The following KIF4B variants were observed in gnomAD, a reference collection of about 807,000 sequenced individuals.
The protein encoded by KIF4B is kinesin family member 4B.
In KIF4B, 60 loss-of-function variants were observed where a neutral mutation model predicts 69.0. That is an observed-to-expected ratio of 0.87 (90% CI 0.71 to 1.08). The LOEUF is 1.08. Ranked by LOEUF, KIF4B falls within the 50% of genes least tolerant of loss-of-function variation. KIF4B has a pLI of 0.00. For missense variants in KIF4B, 1,357 were observed against 1,451.9 expected (o/e 0.93, Z 1.06); for synonymous variants, 489 against 533.0 (o/e 0.92, Z 1.14).
At position 155,015,304 on chromosome 5, in the gene KIF4B, C is replaced by T. The variant is rs770244898; in HGVS notation, c.1445C>T (p.Ala482Val). 1 of 1,614,196 alleles carries T rather than the reference C, an allele frequency of 6.2e-7. No homozygotes were observed. The highest frequency in any genetic ancestry group is 1.1e-5 in the South Asian group (1 of 91,082). Residue 482 changes from alanine (A) to valine (V), a missense_variant, in exon 1 of 1, where the codon GCT becomes GTT. Coordinates refer to ENST00000435029, the MANE Select transcript of KIF4B (RefSeq NM_001099293.3). ...ACCCAGTTATCAGATGAAACTGTTG[C>T]TTGCACGGCTGCAGCCATTGATACT... ...LITQLSDETVACTAAAIDTAV... is the reference protein window; with the variant it reads ...LITQLSDETVVCTAAAIDTAV...
rs1765301684 is a variant in KIF4B, at chr5:155,015,131, G to A, written c.1272G>A (p.Glu424=). The change falls in exon 1 of 1, where the codon GAG becomes GAA. Residue 424 remains glutamate, a synonymous_variant. Coordinates refer to ENST00000435029, the MANE Select transcript of KIF4B (RefSeq NM_001099293.3). Reference sequence around the variant, plus strand: ...TGTTGGAGAGGATCATTTTGACAGAGCAAGTGAATGAAAAACTGAACGCCA... The same window carrying A: ...TGTTGGAGAGGATCATTTTGACAGAACAAGTGAATGAAAAACTGAACGCCA... ...AQMLERIILT[E]QVNEKLNAKL... 5 of 1,614,228 alleles carry A rather than the reference G, an allele frequency of 3.1e-6. No homozygotes were observed. Among genetic ancestry groups the A allele is most frequent in the East Asian group, 4.5e-5 (2 of 44,886 alleles).
Position 155,015,387 on chromosome 5 carries a change from G to A in KIF4B, c.1528G>A (p.Ala510Thr), listed in dbSNP as rs199913629. 11 of 1,614,054 alleles carry A rather than the reference G, an allele frequency of 6.8e-6. No individual in the cohort carries two copies. Among genetic ancestry groups the A allele is most frequent in the Admixed American group, 6.7e-5 (4 of 60,000 alleles). ...TCCAGAGACAAGCAGGTCTTCTGAC[G>A]CTTTTACCACTCAGCATGCTCTCCA... ...TSPETSRSSD[A>T]FTTQHALHQA... Residue 510 changes from alanine (A) to threonine (T), a missense_variant, in exon 1 of 1, where the codon GCT (alanine) becomes ACT (threonine). Ala to Thr is a moderately conservative substitution (Grantham distance 58). Coordinates refer to ENST00000435029, the MANE Select transcript of KIF4B (RefSeq NM_001099293.3).
At position 155,016,616 on chromosome 5, in the gene KIF4B, G is replaced by A. The variant is rs757320799; in HGVS notation, c.2757G>A (p.Glu919=). The change falls in exon 1 of 1, where the codon GAG becomes GAA. Residue 919 remains glutamate (E), a synonymous_variant. Transcript: ENST00000435029. ...AGATAGAGACAGAGTTACAAGCTGA[G>A]CTGGTCAGAATGGAGCAACAGCACC... ...FSEIETELQA[E]LVRMEQQHQE... The A allele has an allele frequency of 9.0e-5, 145 of 1,614,112 alleles. No individual in the cohort carries two copies. Among genetic ancestry groups the A allele is most frequent in the Non-Finnish European group, 5.9e-6 (7 of 1,180,046 alleles).
Position 155,014,842 on chromosome 5 carries a change from G to T in KIF4B, c.983G>T (p.Arg328Leu). 3 of 1,614,106 alleles carry T rather than the reference G, an allele frequency of 1.9e-6. No homozygotes were observed. Among genetic ancestry groups the T allele is most frequent in the Non-Finnish European group, 2.5e-6 (3 of 1,180,018 alleles). ...SNLEETLSTL[R>L]YADRARKIKN... ...CTAGAGGAAACATTAAGTACCCTTC[G>T]CTATGCTGACAGAGCAAGAAAAATC... Residue 328 changes from arginine (R) to leucine (L), a missense_variant, in exon 1 of 1, where the codon CGC becomes CTC. By Grantham distance (102) the Arg-to-Leu change is moderately radical. Coordinates refer to ENST00000435029, the MANE Select transcript of KIF4B (RefSeq NM_001099293.3).
At position 155,016,722 on chromosome 5, in the gene KIF4B, A is replaced by G; in HGVS notation, c.2863A>G (p.Lys955Glu). 6.2e-7 allele frequency: 1 copy of G among 1,614,214 alleles called. No individual in the cohort carries two copies. Among genetic ancestry groups the G allele is most frequent in the Non-Finnish European group, 8.5e-7 (1 of 1,180,040 alleles). Residue 955 changes from lysine (K) to glutamate (E), a missense_variant, in exon 1 of 1, where the codon AAG becomes GAG. Coordinates refer to ENST00000435029, the MANE Select transcript of KIF4B (RefSeq NM_001099293.3). ...GCAGTTAGAGAAATCAGCCAGTGAAAAGGAACAACAGCTGGTGAGCACACT... is the reference window on the plus strand; with the variant it reads ...GCAGTTAGAGAAATCAGCCAGTGAAGAGGAACAACAGCTGGTGAGCACACT... ...EKQLEKSASE[K>E]EQQLVSTLQC...
chr5:155,014,308 A>T lies in KIF4B; in HGVS notation c.449A>T (p.Asp150Val), dbSNP rs1475569125. The T allele has an allele frequency of 1.2e-6, 2 of 1,614,106 alleles. No individual in the cohort carries two copies. The highest frequency in any genetic ancestry group is 2.7e-5 in the African/African-American group (2 of 74,934). ...YLEIYNEEIL[D>V]LLCPSREKAQ... ...GAGATTTACAATGAAGAAATTTTGG[A>T]TCTTCTATGCCCATCTCGTGAGAAA... Residue 150 changes from aspartate to valine, a missense_variant, in exon 1 of 1, where the codon GAT becomes GTT. Transcript: ENST00000435029.
In KIF4B at chr5:155,015,911, T is replaced by A; in HGVS notation, c.2052T>A (p.Tyr684Ter). The change falls in exon 1 of 1, where the codon TAT (tyrosine) becomes TAA (stop). Residue 684 changes from tyrosine (Y) to a stop codon, truncating the protein, a stop_gained. Coordinates refer to ENST00000435029, the MANE Select transcript of KIF4B (RefSeq NM_001099293.3). LOFTEE classifies it high-confidence loss of function. Reference sequence around the variant, plus strand: ...AAGAACGAGACCGTAAGAGGCAATATGAGCTGCTCAAACTTGAAAGAAACT... The same window carrying A: ...AAGAACGAGACCGTAAGAGGCAATAAGAGCTGCTCAAACTTGAAAGAAACT... ...QLKERDRKRQ[Y>*]ELLKLERNFQ... 1 of 1,614,196 alleles carries A rather than the reference T, an allele frequency of 6.2e-7. No homozygotes were observed. The highest frequency in any genetic ancestry group is 8.5e-7 in the Non-Finnish European group (1 of 1,180,042).
chr5:155,017,077 A>G lies in KIF4B; in HGVS notation c.3218A>G (p.Lys1073Arg). Residue 1073 changes from lysine to arginine, a missense_variant, in exon 1 of 1, where the codon AAG becomes AGG. Lys to Arg is a conservative substitution (Grantham distance 26). Transcript: ENST00000435029. The part of the protein sequence containing the change: ...DSDEGDDEEW[K>R]PTKLVKVSRK... Reference sequence around the variant, plus strand: ...GATGAGGGGGATGATGAGGAATGGAAGCCAACAAAATTAGTCAAGGTGTCC... The same window carrying G: ...GATGAGGGGGATGATGAGGAATGGAGGCCAACAAAATTAGTCAAGGTGTCC... 6.2e-7 allele frequency: 1 copy of G among 1,614,050 alleles called. No homozygotes were observed. Among genetic ancestry groups the G allele is most frequent in the Non-Finnish European group, 8.5e-7 (1 of 1,179,936 alleles).
At position 155,015,658 on chromosome 5, in the gene KIF4B, A is replaced by G. The variant is rs1421866107; in HGVS notation, c.1799A>G (p.Lys600Arg). The change falls in exon 1 of 1, where the codon AAA (lysine) becomes AGA (arginine). Residue 600 changes from lysine (K) to arginine (R), a missense_variant. By Grantham distance (26) the Lys-to-Arg change is conservative. Transcript: ENST00000435029. Reference protein sequence around the residue: ...NQAKLSEHRHKLLQELEGQIA... With the variant: ...NQAKLSEHRHRLLQELEGQIA... ...GCCAAGCTGAGTGAGCACCGCCACA[A>G]ACTTCTCCAGGAGCTGGAGGGTCAA... The G allele has an allele frequency of 1.9e-6, 3 of 1,614,120 alleles. No individual in the cohort carries two copies. Among genetic ancestry groups the G allele is most frequent in the South Asian group, 1.1e-5 (1 of 91,088 alleles).
rs1765273480 is a variant in KIF4B at position 155,013,846 on chromosome 5, G to C, written c.-14G>C. On this transcript the variant is annotated 5_prime_UTR_variant, in exon 1 of 1. Coordinates refer to ENST00000435029, the MANE Select transcript of KIF4B (RefSeq NM_001099293.3). ...GAAGGGACATTTAGTTTGAGACGGT[G>C]CTGAGATAGGATCATGAAGGAAGAG... The C allele has an allele frequency of 2.5e-6, 4 of 1,612,372 alleles. No homozygotes were observed. The highest frequency in any genetic ancestry group is 2.5e-6 in the Non-Finnish European group (3 of 1,179,776).
chr5:155,016,935 A>G lies in KIF4B; in HGVS notation c.3076A>G (p.Lys1026Glu). The change falls in exon 1 of 1, where the codon AAA becomes GAA. Residue 1026 changes from lysine to glutamate, a missense_variant. Transcript: ENST00000435029. ...TTTTGAATATATCCCACCTAAGCCA[A>G]AACCTTCTCGTGTTAAAGAAAAGTT... is the stretch of plus-strand genomic sequence containing the variant. ...SSFEYIPPKP[K>E]PSRVKEKFLE... The G allele has an allele frequency of 6.2e-7, 1 of 1,614,226 alleles. No homozygotes were observed. The highest frequency in any genetic ancestry group is 1.1e-5 in the South Asian group (1 of 91,084).
In KIF4B at chr5:155,016,459, T is replaced by C; in HGVS notation, c.2600T>C (p.Leu867Pro). 2 of 1,614,172 alleles carry C rather than the reference T, an allele frequency of 1.2e-6. No homozygotes were observed. The highest frequency in any genetic ancestry group is 2.2e-5 in the South Asian group (2 of 91,074). ...IATILEAKCA[L>P]KYLIGELVSS... ...ACCATTCTGGAAGCCAAGTGTGCCC[T>C]GAAATATTTGATTGGAGAGCTGGTC... The change falls in exon 1 of 1, where the codon CTG becomes CCG. Residue 867 changes from leucine (L) to proline (P), a missense_variant. By Grantham distance (98) the Leu-to-Pro change is moderately conservative (BLOSUM62 -3). Transcript: ENST00000435029.
At position 155,016,997 on chromosome 5, in the gene KIF4B, T is replaced by C. The variant is rs746559401; in HGVS notation, c.3138T>C (p.Tyr1046=). The C allele has an allele frequency of 5.6e-6, 9 of 1,614,042 alleles. No homozygotes were observed. In the East Asian group the frequency reaches 1.3e-4, roughly 24 times the overall value. The part of the protein sequence containing the change: ...EQSMDIEDLK[Y]CSEHSVNEHE... ...GCATGGACATCGAGGATCTAAAATA[T>C]TGTTCAGAGCATTCTGTGAATGAGC... The change falls in exon 1 of 1, where the codon TAT becomes TAC. Residue 1046 remains tyrosine (Y), a synonymous_variant. Transcript: ENST00000435029.
At position 155,014,400 on chromosome 5, in the gene KIF4B, GTTTTAGT is replaced by G. The variant is rs1561755571; in HGVS notation, c.543_549del (p.Leu182ProfsTer22). On this transcript the variant is annotated frameshift_variant, in exon 1 of 1. Coordinates refer to ENST00000435029, the MANE Select transcript of KIF4B (RefSeq NM_001099293.3). LOFTEE classifies it high-confidence loss of function. Reference sequence around the variant, plus strand: ...GATTGTGGGACTCACTGAGAAGACTGTTTTAGTTGCCTTGGATACTGTTTCCTGTTTG... The same window carrying G: ...GATTGTGGGACTCACTGAGAAGACTGTGCCTTGGATACTGTTTCCTGTTTG... 1 of 1,614,212 alleles carries G rather than the reference GTTTTAGT, an allele frequency of 6.2e-7. No homozygotes were observed. The highest frequency in any genetic ancestry group is 8.5e-7 in the Non-Finnish European group (1 of 1,180,036).
At position 155,017,537 on chromosome 5, in the gene KIF4B, C is replaced by T; in HGVS notation, c.3678C>T (p.Cys1226=). The change falls in exon 1 of 1, where the codon TGC becomes TGT. Residue 1226 remains cysteine (C), a synonymous_variant. Transcript: ENST00000435029. ...LASNTSFFSG[C]SPIEEEAH The stretch of plus-strand genomic sequence containing the variant: ...GCAACACCAGCTTCTTCTCTGGCTG[C>T]TCCCCTATCGAAGAAGAGGCCCACT... The T allele has an allele frequency of 3.1e-6, 5 of 1,613,290 alleles. No individual in the cohort carries two copies. The highest frequency in any genetic ancestry group is 4.2e-6 in the Non-Finnish European group (5 of 1,179,954).
In KIF4B at chr5:155,015,712, A is replaced by C. The variant is rs766623630; in HGVS notation, c.1853A>C (p.Glu618Ala). 1.2e-6 allele frequency: 2 copies of C among 1,614,216 alleles called. No individual in the cohort carries two copies. The highest frequency in any genetic ancestry group is 1.7e-6 in the Non-Finnish European group (2 of 1,180,042). Residue 618 changes from glutamate (E) to alanine (A), a missense_variant, in exon 1 of 1, where the codon GAG becomes GCG. Glu to Ala is a moderately radical substitution (Grantham distance 107, BLOSUM62 -1). Transcript: ENST00000435029. Reference sequence around the variant, plus strand: ...GCTGATCTGAAGAAGAAACTGAATGAGCAGTCCAAACTTCTGAAACTAAAG... The same window carrying C: ...GCTGATCTGAAGAAGAAACTGAATGCGCAGTCCAAACTTCTGAAACTAAAG... The part of the protein sequence containing the change: ...QIADLKKKLN[E>A]QSKLLKLKES...
In KIF4B at chr5:155,016,095, T is replaced by C; in HGVS notation, c.2236T>C (p.Trp746Arg). The part of the protein sequence containing the change: ...KEGIAARVRN[W>R]LGNEIEVMVS... The stretch of plus-strand genomic sequence containing the variant: ...AGGTATTGCAGCTCGAGTGAGGAAT[T>C]GGCTTGGAAATGAAATTGAGGTTAT... Residue 746 changes from tryptophan (W) to arginine (R), a missense_variant, in exon 1 of 1, where the codon TGG becomes CGG. Coordinates refer to ENST00000435029, the MANE Select transcript of KIF4B (RefSeq NM_001099293.3). The C allele has an allele frequency of 1.9e-6, 3 of 1,614,130 alleles. No homozygotes were observed. Among genetic ancestry groups the C allele is most frequent in the Non-Finnish European group, 2.5e-6 (3 of 1,180,036 alleles).
rs369199447 is a variant in KIF4B, at chr5:155,015,897, C to T, written c.2038C>T (p.Arg680Cys). 1.2e-5 allele frequency: 19 copies of T among 1,613,974 alleles called. No individual in the cohort carries two copies. The East Asian group carries it at 1.3e-4, about 11-fold the overall frequency. The change falls in exon 1 of 1, where the codon CGT becomes TGT. Residue 680 changes from arginine (R) to cysteine (C), a missense_variant. Arg to Cys is a radical substitution (Grantham distance 180). Coordinates refer to ENST00000435029, the MANE Select transcript of KIF4B (RefSeq NM_001099293.3). ...KEVIQLKERD[R>C]KRQYELLKLE... ...AGTAATACAGTTGAAAGAACGAGAC[C>T]GTAAGAGGCAATATGAGCTGCTCAA...
rs1336943421 is a variant in KIF4B, at chr5:155,014,287, T to C, written c.428T>C (p.Ile143Thr). The stretch of plus-strand genomic sequence containing the variant: ...ACTCTGAAAGTGTCTTACTTAGAGA[T>C]TTACAATGAAGAAATTTTGGATCTT... Reference protein sequence around the residue: ...EFTLKVSYLEIYNEEILDLLC... With the variant: ...EFTLKVSYLETYNEEILDLLC... Residue 143 changes from isoleucine (I) to threonine (T), a missense_variant, in exon 1 of 1, where the codon ATT (isoleucine) becomes ACT (threonine). By Grantham distance (89) the Ile-to-Thr change is moderately conservative. Transcript: ENST00000435029. 1 of 1,614,072 alleles carries C rather than the reference T, an allele frequency of 6.2e-7. No individual in the cohort carries two copies. The highest frequency in any genetic ancestry group is 8.5e-7 in the Non-Finnish European group (1 of 1,180,048).
Sources: allele counts gnomAD v4.1 joint callset, GRCh38; gene constraint gnomAD v4.1.1; transcripts MANE v1.5; gene names NCBI Gene and HGNC (gene_info 2026-07-23, HGNC 2026-07-21).